Variants in OCM observed in about 807,000 individuals in gnomAD.
OCM encodes oncomodulin-1.
In OCM, 18 loss-of-function variants were observed where a neutral mutation model predicts 14.1. The ratio of observed to expected loss-of-function variants is 1.28; its 90% CI spans 0.88 to 1.89. The LOEUF (loss-of-function observed/expected upper bound fraction) is 1.89. Among genes scored for constraint, OCM ranks in the 40% most tolerant of loss-of-function variants. The pLI, the probability that OCM is intolerant of heterozygous loss-of-function variation, is 0.00. For synonymous variants in OCM, 48 were observed against 51.0 expected (o/e 0.94, Z 0.25); for missense variants, 140 against 137.6 (o/e 1.02, Z -0.09).
chr7:5,870,848 C>T, the OCM span, among the ~76,000 whole-genome samples: 6 of 152,128 alleles, frequency 3.9e-5, no homozygotes, highest in Admixed American at 3.3e-4. Flanking sequence ...ACTGTCACAA[C>T]TACCACATGA....
the OCM span, among the ~76,000 whole-genome samples, chr7:5,863,551 A>T: frequency 5.9e-4 from 83 of 141,576 alleles, no homozygotes; most frequent in African/African-American, 2.1e-3. Flanking sequence ...TTTTTTTCTC[A>T]AGATGGAGTC....
intron 3 of OCM, 42 bp from the exon 4 acceptor site, chr7:5,886,022 A>G: frequency 1.2e-6 from 2 of 1,613,952 alleles, no homozygotes; most frequent in Non-Finnish European, 1.7e-6. Flanking sequence ...GTAAAGAACC[A>G]AGCCACCTCC....
the OCM span, among the ~76,000 whole-genome samples, chr7:5,860,789 T>TAC: frequency 2.1e-5 from 2 of 94,896 alleles, no homozygotes; most frequent in African/African-American, 1.5e-4. Context: ...CGTGTATATA[T>TAC]ACATATATAT....
At chr7:5,867,409 C>G in the OCM span, among the ~76,000 whole-genome samples, 2 of 152,158 alleles carry the variant, frequency 1.3e-5, no homozygotes, top group Admixed American at 1.3e-4. Context: ...TTCATCTTCT[C>G]TTTATCACTG....
At chr7:5,861,501 G>C in the OCM span, among the ~76,000 whole-genome samples, 2 of 152,068 alleles carry the variant, frequency 1.3e-5, no homozygotes, top group Non-Finnish European at 2.9e-5. Flanking sequence ...CACTTCCACT[G>C]TGTTTTCCAA....
At chr7:5,880,587 C>T (rs1340335300), upstream of OCM, among the ~76,000 whole-genome samples, 3 of 151,938 alleles carry the variant, frequency 2.0e-5, no homozygotes, top group Non-Finnish European at 2.9e-5. Flanking sequence ...GGCAAAACCC[C>T]GTCTCTACTA....
At chr7:5,885,870 A>G (rs1781324637) in intron 3 of OCM, among the ~76,000 whole-genome samples, 194 bp from the exon 4 acceptor site, 1 of 152,024 alleles carries the variant, frequency 6.6e-6, no homozygotes, top group African/African-American at 2.4e-5. Flanking sequence ...CGGCCTCCCA[A>G]AGTGCTGGGA....
intron 1 of OCM, among the ~76,000 whole-genome samples, chr7:5,882,167 C>A (rs1231374035): frequency 6.6e-6 from 1 of 150,686 alleles, no homozygotes; most frequent in African/African-American, 2.5e-5. Context: ...TGCATTTCCC[C>A]CTACCAATTA....
intron 3 of OCM, among the ~76,000 whole-genome samples, chr7:5,885,679 C>T (rs1452411604): frequency 4.2e-5 from 6 of 143,766 alleles, no homozygotes; most frequent in Non-Finnish European, 6.0e-5. Flanking sequence ...GGCGTGATTT[C>T]GGCTCACTGC....
upstream of OCM, chr7:5,880,766 A>AC: frequency 1.1e-6 from 1 of 906,204 alleles, no homozygotes; most frequent in Non-Finnish European, 1.7e-6. Flanking sequence ...CTTAATTTAA[A>AC]AAAAAAAATA....
chr7:5,869,958 A>T, the OCM span, among the ~76,000 whole-genome samples: 1 of 152,174 alleles, frequency 6.6e-6, no homozygotes, highest in African/African-American at 2.4e-5. Context: ...GGTTAAATAC[A>T]GTATGTTTGC....
At chr7:5,861,631 G>A in the OCM span, among the ~76,000 whole-genome samples, 24,235 of 152,012 alleles carry the variant, frequency 0.16, 2,144 homozygotes, top group East Asian at 0.35. Context: ...CAGGGAAGGA[G>A]GGTTCCAGTT....
intron 2 of OCM, among the ~76,000 whole-genome samples, chr7:5,883,391 A>G (rs1293610126): frequency 6.6e-6 from 1 of 151,910 alleles, no homozygotes; most frequent in Non-Finnish European, 1.5e-5. Flanking sequence ...CTAAAAACTT[A>G]AAAATGGGCC....
At chr7:5,885,731 C>T (rs374956727) in intron 3 of OCM, among the ~76,000 whole-genome samples, 3 of 151,860 alleles carry the variant, frequency 2.0e-5, no homozygotes, top group Non-Finnish European at 4.4e-5. Flanking sequence ...CTGCCTCAGC[C>T]TCCCAAGTAG....
At chr7:5,876,156 C>A (rs1239197567), upstream of OCM, among the ~76,000 whole-genome samples, 1 of 152,152 alleles carries the variant, frequency 6.6e-6, no homozygotes, top group African/African-American at 2.4e-5. Context: ...CAGGCATGCA[C>A]CACCACGCCG....
the OCM span, among the ~76,000 whole-genome samples, chr7:5,862,192 AG>A: frequency 1.3e-5 from 2 of 152,198 alleles, no homozygotes; most frequent in Admixed American, 1.3e-4. Flanking sequence ...GTATTGTGAA[AG>A]AAGGTAAATT....
the OCM span, among the ~76,000 whole-genome samples, chr7:5,866,299 C>G: frequency 6.9e-6 from 1 of 144,688 alleles, no homozygotes; most frequent in Non-Finnish European, 1.5e-5. Context: ...GCACTCCAGC[C>G]TGGGCAACAG....
the OCM span, among the ~76,000 whole-genome samples, chr7:5,872,805 T>C: frequency 6.6e-6 from 1 of 151,842 alleles, no homozygotes; most frequent in Admixed American, 6.6e-5. Context: ...CTGCTGACCT[T>C]CTCTCCACTA....
the OCM span, among the ~76,000 whole-genome samples, chr7:5,866,294 C>G: frequency 2.7e-5 from 4 of 147,392 alleles, no homozygotes; most frequent in Non-Finnish European, 4.5e-5. Flanking sequence ...CCACTGCACT[C>G]CAGCCTGGGC....
Sources: gnomAD v4.1 joint callset for allele counts (sites outside exome capture counted in the v4.1 genomes callset) on GRCh38, gnomAD v4.1.1 for gene constraint, MANE v1.5 for transcripts, NCBI Gene and HGNC (gene_info 2026-07-23, HGNC 2026-07-21) for gene names.